TRAPPC9: variants seen among roughly 807,000 people sequenced by gnomAD.
TRAPPC9 encodes the protein trafficking protein particle complex subunit 9, also known as IKK2 binding protein.
A neutral mutation model predicts 124.0 loss-of-function variants in TRAPPC9; 83 were observed. That is an observed-to-expected ratio of 0.67 (90% CI 0.56 to 0.80). TRAPPC9 has a LOEUF of 0.80. Ranked by LOEUF, TRAPPC9 falls within the 30% of genes least tolerant of loss-of-function variation. The pLI, the probability that TRAPPC9 is intolerant of heterozygous loss-of-function variation, is 0.00. For missense variants in TRAPPC9, 1,302 were observed against 1,508.3 expected, an observed-to-expected ratio of 0.86 and a Z score of 2.27; for synonymous variants, 638 against 617.5, an observed-to-expected ratio of 1.03 and a Z score of -0.49.
At chr8:140,158,091 A>G (rs953675942) in intron 17 of TRAPPC9, among the ~76,000 whole-genome samples, 2 of 152,212 alleles carry the variant, frequency 1.3e-5, no homozygotes, top group African/African-American at 4.8e-5. Flanking sequence ...CCTAATATAT[A>G]CATCTTGGTG....
chr8:139,802,497 C>G (rs1025286671), intron 21 of TRAPPC9, among the ~76,000 whole-genome samples: 1 of 152,220 alleles, frequency 6.6e-6, no homozygotes, highest in Non-Finnish European at 1.5e-5. Context: ...AGTGAGGACT[C>G]AGGCATCCCT....
chr8:140,076,927 A>T (rs1587655750), intron 17 of TRAPPC9, among the ~76,000 whole-genome samples: 1 of 152,220 alleles, frequency 6.6e-6, no homozygotes, highest in South Asian at 2.1e-4. Flanking sequence ...GCACTTTGGG[A>T]GGCTGAGGCA....
intron 17 of TRAPPC9, among the ~76,000 whole-genome samples, chr8:140,053,773 C>G (rs1206437883): frequency 6.6e-6 from 1 of 152,230 alleles, no homozygotes; most frequent in Non-Finnish European, 1.5e-5. Context: ...TTACATCTTC[C>G]TGTTGAATCA....
intron 21 of TRAPPC9, among the ~76,000 whole-genome samples, chr8:139,805,278 G>C (rs1286076259): frequency 6.6e-6 from 1 of 152,182 alleles, no homozygotes; most frequent in Non-Finnish European, 1.5e-5. Flanking sequence ...TGCCTGGGCT[G>C]CCTCCTGCCT....
intron 17 of TRAPPC9, among the ~76,000 whole-genome samples, chr8:140,066,585 G>A (rs1040040570): frequency 6.6e-6 from 1 of 152,146 alleles, no homozygotes; most frequent in African/African-American, 2.4e-5. Flanking sequence ...TTTTTATTAG[G>A]TTTACTCTAG....
At chr8:140,329,371 C>T (rs2066833991) in intron 9 of TRAPPC9, among the ~76,000 whole-genome samples, 1 of 152,256 alleles carries the variant, frequency 6.6e-6, no homozygotes, top group East Asian at 1.9e-4. Context: ...ATGCAGGAAC[C>T]CAGCAGCAAC....
rs540423133 is a variant in TRAPPC9 at position 139,731,832 on chromosome 8, C to A, written c.3279+147G>T. The A allele has an allele frequency of 1.9e-4, 143 of 770,594 alleles. No individual in the cohort carries two copies. In the African/African-American group the frequency reaches 2.2e-3, roughly 12 times the overall value. The allele number at this position is 770,594 out of a possible 1,614,324, so 47.7% of individuals were successfully genotyped here. A position where few individuals can be genotyped will look rare whatever the true frequency, so the allele number is the denominator to read the frequency against. On this transcript the variant is annotated intron_variant, in intron 22 of 22. Transcript: ENST00000438773. ...GTTCCTGCAGTGAATGGGGCAGACT[C>A]AGACTCAGTGTGCACACGTGACCAC...
chr8:140,371,850 C>T (rs1423114181), intron 7 of TRAPPC9, among the ~76,000 whole-genome samples: 3 of 152,110 alleles, frequency 2.0e-5, no homozygotes, highest in South Asian at 2.1e-4. Flanking sequence ...ATTACAAGCA[C>T]CCACCCCCAT....
At chr8:139,888,007 G>A (rs1830120112) in intron 20 of TRAPPC9, among the ~76,000 whole-genome samples, 1 of 152,182 alleles carries the variant, frequency 6.6e-6, no homozygotes, top group Non-Finnish European at 1.5e-5. Context: ...CCTGACACCC[G>A]TGGGCCTGCT....
At chr8:140,405,524 T>C in intron 6 of TRAPPC9, 53 bp downstream of exon 6, 2 of 1,604,436 alleles carry the variant, frequency 1.2e-6, no homozygotes, top group South Asian at 2.2e-5. Context: ...AAATGGAAAC[T>C]TCTGATTAAA....
intron 17 of TRAPPC9, among the ~76,000 whole-genome samples, chr8:140,111,109 G>A (rs1277182644): frequency 7.3e-5 from 11 of 150,048 alleles, no homozygotes; most frequent in Non-Finnish European, 1.2e-4. Context: ...TCCTTGGAAA[G>A]TCCCCTTTAT....
At chr8:140,301,877 G>C (rs1224152698) in intron 10 of TRAPPC9, among the ~76,000 whole-genome samples, 2 of 152,212 alleles carry the variant, frequency 1.3e-5, no homozygotes, top group African/African-American at 4.8e-5. Context: ...TGGAGCACCA[G>C]ACAGATGCGG....
chr8:140,269,682 G>A (rs1374131612), intron 15 of TRAPPC9, among the ~76,000 whole-genome samples: 1 of 152,220 alleles, frequency 6.6e-6, no homozygotes, highest in Non-Finnish European at 1.5e-5. Flanking sequence ...TGGTTTGTAT[G>A]TAAGTGTTTG....
intron 19 of TRAPPC9, among the ~76,000 whole-genome samples, chr8:139,981,913 TG>T (rs1471006786): frequency 6.6e-6 from 1 of 152,228 alleles, no homozygotes; most frequent in Non-Finnish European, 1.5e-5. Context: ...CCGCAGCGTT[TG>T]GGTGCTTCGG....
intron 7 of TRAPPC9, among the ~76,000 whole-genome samples, chr8:140,390,728 G>A (rs1466630288): frequency 1.3e-5 from 2 of 152,130 alleles, no homozygotes; most frequent in Non-Finnish European, 2.9e-5. Flanking sequence ...CTCTCCTAAA[G>A]ACAAGGTGCA....
intron 17 of TRAPPC9, among the ~76,000 whole-genome samples, chr8:140,035,363 G>A (rs968694434): frequency 6.6e-6 from 1 of 152,196 alleles, no homozygotes; most frequent in African/African-American, 2.4e-5. Context: ...TCCTTCCAAA[G>A]TTGTATGACT....
rs553802365 is a variant in TRAPPC9, at chr8:140,437,807, AG to A, written c.730+1244del. ...TAGTCCTTACCCACACAATGGACTC[AG>A]CCAGTCCATCCTCCCAGGACCACCT... On this transcript the variant is annotated intron_variant, in intron 3 of 22. Transcript: ENST00000438773. Among the ~76,000 whole-genome samples the A allele has an allele frequency of 3.5e-4, 54 of 152,286 alleles. 2 individuals carry two copies. The South Asian group carries it at 0.011, about 30-fold the overall frequency.
intron 21 of TRAPPC9, among the ~76,000 whole-genome samples, chr8:139,745,022 C>T (rs541652261): frequency 1.3e-5 from 2 of 152,192 alleles, no homozygotes; most frequent in South Asian, 4.1e-4. Context: ...AGGAGGTGAG[C>T]TCCGGAGAGG....
chr8:140,080,894 G>C (rs184825754), intron 17 of TRAPPC9, among the ~76,000 whole-genome samples: 49 of 152,320 alleles, frequency 3.2e-4, no homozygotes, highest in African/African-American at 1.1e-3. Context: ...TCTGTTGAAT[G>C]CTTCAGAGCA....
Sources: gnomAD v4.1 joint callset for allele counts (sites outside exome capture counted in the v4.1 genomes callset) on GRCh38, gnomAD v4.1.1 for gene constraint, MANE v1.5 for transcripts, NCBI Gene and HGNC (gene_info 2026-07-23, HGNC 2026-07-21) for gene names.